The following DMXL1 variants were observed in gnomAD, a reference collection of about 807,000 sequenced individuals.
DMXL1 encodes Dmx like 1.
A neutral mutation model predicts 319.2 loss-of-function variants in DMXL1; 99 were observed. That is an observed-to-expected ratio of 0.31 (90% CI 0.26 to 0.37). DMXL1 has a LOEUF of 0.37. Among genes scored for constraint, DMXL1 ranks in the 10% least tolerant of loss-of-function variants. DMXL1 has a pLI of 1.00. For synonymous variants in DMXL1, 1,385 were observed against 1,235.2 expected (o/e 1.12, Z -2.54); for missense variants, 3,745 against 3,595.6 (o/e 1.04, Z -1.06).
chr5:119,178,151 G>A lies in DMXL1; in HGVS notation c.7042G>A (p.Ala2348Thr), dbSNP rs141842638. Reference protein sequence around the residue: ...HSSNELFRIVAHPLNEKMWSA... With the variant: ...HSSNELFRIVTHPLNEKMWSA... ...AAGTAATGAGCTATTTCGGATTGTGGCCCATCCTCTAAATGAGAAAATGTG... is the reference window on the plus strand; with the variant it reads ...AAGTAATGAGCTATTTCGGATTGTGACCCATCCTCTAAATGAGAAAATGTG... The change falls in exon 28 of 44, where the codon GCC becomes ACC. Residue 2348 changes from alanine to threonine, a missense_variant. Coordinates refer to ENST00000539542, the MANE Select transcript of DMXL1 (RefSeq NM_001290321.3). 1.2e-6 allele frequency: 2 copies of A among 1,613,808 alleles called. No individual in the cohort carries two copies. Among genetic ancestry groups the A allele is most frequent in the Admixed American group, 1.7e-5 (1 of 59,988 alleles).
At chr5:119,087,169 A>G (rs1753565847) in intron 1 of DMXL1, among the ~76,000 whole-genome samples, 2 of 150,090 alleles carry the variant, frequency 1.3e-5, no homozygotes, top group Admixed American at 6.6e-5. Flanking sequence ...TATTTCATTT[A>G]TTTATGCTCT....
chr5:119,170,916 G>A lies in DMXL1; in HGVS notation c.6125G>A (p.Arg2042His), dbSNP rs1339119066. Residue 2042 changes from arginine (R) to histidine (H), a missense_variant, in exon 24 of 44, where the codon CGT becomes CAT. Coordinates refer to ENST00000539542, the MANE Select transcript of DMXL1 (RefSeq NM_001290321.3). ...ACLKILTVEL[R>H]TLSTGYEIDG... The stretch of plus-strand genomic sequence containing the variant: ...TTAAAGATTCTCACAGTAGAACTTC[G>A]TACTTTATCTACTGGCTATGAAATA... The A allele has an allele frequency of 4.3e-6, 7 of 1,613,230 alleles. No individual in the cohort carries two copies. Among genetic ancestry groups the A allele is most frequent in the African/African-American group, 1.3e-5 (1 of 74,798 alleles).
chr5:119,105,775 T>C (rs1469037302), intron 4 of DMXL1, among the ~76,000 whole-genome samples: 1 of 151,894 alleles, frequency 6.6e-6, no homozygotes, highest in Non-Finnish European at 1.5e-5. Context: ...CGCATGCCTG[T>C]AATCCCAGCT....
At chr5:119,119,428 A>T (rs1761541958) in intron 8 of DMXL1, among the ~76,000 whole-genome samples, 1 of 152,212 alleles carries the variant, frequency 6.6e-6, no homozygotes. Context: ...TTGAAAGTAA[A>T]AGTCAATTTT....
chr5:119,219,409 A>G (rs1784260687), intron 35 of DMXL1, among the ~76,000 whole-genome samples: 2 of 152,032 alleles, frequency 1.3e-5, no homozygotes, highest in Non-Finnish European at 2.9e-5. Flanking sequence ...CCACCCAATA[A>G]TCTAGCTATA....
Position 119,149,428 on chromosome 5 carries a change from C to T in DMXL1, c.3601C>T (p.Arg1201Ter), listed in dbSNP as rs1437359484. ...VVPLSKFVLL[R>*]SVDLVSSVDG... The stretch of plus-strand genomic sequence containing the variant: ...GCCCCTTTCTAAATTTGTACTATTA[C>T]GAAGTGTGGACCTAGTTTCTTCTGT... The change falls in exon 18 of 44, where the codon CGA (arginine) becomes TGA (stop). Residue 1201 changes from arginine (R) to a stop codon, truncating the protein, a stop_gained. Transcript: ENST00000539542. LOFTEE classifies it high-confidence loss of function. 1 of 1,613,930 alleles carries T rather than the reference C, an allele frequency of 6.2e-7. No individual in the cohort carries two copies. The highest frequency in any genetic ancestry group is 8.5e-7 in the Non-Finnish European group (1 of 1,179,892).
intron 9 of DMXL1, chr5:119,128,203 G>A: frequency 2.4e-6 from 1 of 424,916 alleles, no homozygotes; most frequent in South Asian, 1.9e-5. Context: ...AATTCTGTGA[G>A]AAGAATCTGG....
intron 37 of DMXL1, among the ~76,000 whole-genome samples, chr5:119,221,508 C>T (rs1402778867): frequency 6.6e-6 from 1 of 152,042 alleles, no homozygotes; most frequent in South Asian, 2.1e-4. Flanking sequence ...ATGAAAATTA[C>T]ATGAAACTGG....
In DMXL1 at chr5:119,116,991, G is replaced by A. The variant is rs1313154858; in HGVS notation, c.743+655G>A. Among the ~76,000 whole-genome samples, 3 of 151,692 alleles carry A rather than the reference G, an allele frequency of 2.0e-5. No individual in the cohort carries two copies. The East Asian group carries it at 5.8e-4, about 29-fold the overall frequency. On this transcript the variant is annotated intron_variant, in intron 7 of 43. Transcript: ENST00000539542. ...TATAGAGACCTATTACTTAAATACAGGTATAAATTCCCTATTTTTGTTTGT... is the reference window on the plus strand; with the variant it reads ...TATAGAGACCTATTACTTAAATACAAGTATAAATTCCCTATTTTTGTTTGT...
At position 119,129,503 on chromosome 5, in the gene DMXL1, T is replaced by G. The variant is rs578222781; in HGVS notation, c.1315+80T>G. On this transcript the variant is annotated intron_variant, in intron 10 of 43. Transcript: ENST00000539542. ...TTCATATTAGGGTAAAACTAGCTAC[T>G]TGTAATAAACTTTAAAGTTGCAATG... The G allele has an allele frequency of 4.0e-6, 4 of 997,054 alleles. No homozygotes were observed. In the South Asian group the frequency reaches 6.7e-5, roughly 17 times the overall value. 61.8% of individuals were successfully genotyped at this position (997,054 alleles called of 1,614,324 possible).
rs372111554 is a variant in DMXL1, at chr5:119,130,491, C to T, written c.1315+1068C>T. ...CCGAGTAGCTAGGATTACAGGCATC[C>T]GCCACCACACCTGGCTAATTTTTTT... is the stretch of plus-strand genomic sequence containing the variant. On this transcript the variant is annotated intron_variant, in intron 10 of 43. Transcript: ENST00000539542. Among the ~76,000 whole-genome samples, 28 of 152,178 alleles carry T rather than the reference C, an allele frequency of 1.8e-4. 1 individual carries two copies. In the East Asian group the frequency reaches 3.9e-3, roughly 21 times the overall value.
intron 34 of DMXL1, among the ~76,000 whole-genome samples, chr5:119,210,105 C>T (rs905320391): frequency 3.3e-5 from 5 of 152,054 alleles, no homozygotes; most frequent in Admixed American, 6.6e-5. Context: ...CTAACACACC[C>T]GGCTAATTTT....
In DMXL1 at chr5:119,122,092, C is replaced by T. The variant is rs1207118893; in HGVS notation, c.1102+953C>T. On this transcript the variant is annotated intron_variant, in intron 9 of 43. Coordinates refer to ENST00000539542, the MANE Select transcript of DMXL1 (RefSeq NM_001290321.3). ...GGCGGCTGGCCGGGCGGGGGGCTGA[C>T]CCCCCCACCTCCCTCCCGGACGGGG... Among the ~76,000 whole-genome samples the T allele has an allele frequency of 1.4e-5, 2 of 140,702 alleles. 1 individual carries two copies. The highest frequency in any genetic ancestry group is 5.3e-5 in the African/African-American group (2 of 37,776). 92.3% of individuals were successfully genotyped at this position (140,702 alleles called of 152,430 possible).
At chr5:119,198,045 G>A (rs1161023790) in intron 32 of DMXL1, 89 bp downstream of exon 32, 26 of 1,273,668 alleles carry the variant, frequency 2.0e-5, no homozygotes, top group Non-Finnish European at 2.8e-5. Context: ...CTGGAGTGCA[G>A]TGGCACAATC....
At chr5:119,127,831 T>C (rs979837107) in intron 9 of DMXL1, 3 of 280,668 alleles carry the variant, frequency 1.1e-5, no homozygotes, top group African/African-American at 4.6e-5. Flanking sequence ...TCTTTCATTA[T>C]CTGTTTTTAA....
Position 119,101,974 on chromosome 5 carries a change from C to G in DMXL1, c.253C>G (p.Pro85Ala). The change falls in exon 3 of 44, where the codon CCA becomes GCA. Residue 85 changes from proline (P) to alanine (A), a missense_variant. Transcript: ENST00000539542. ...TGGAAATGTTATCTCCATTTTTGAACCAGTTAACCTACCAAAACAAAAGAA... is the reference window on the plus strand; with the variant it reads ...TGGAAATGTTATCTCCATTTTTGAAGCAGTTAACCTACCAAAACAAAAGAA... ...SYGNVISIFE[P>A]VNLPKQKKNL... 3 of 1,604,504 alleles carry G rather than the reference C, an allele frequency of 1.9e-6. No homozygotes were observed. Among genetic ancestry groups the G allele is most frequent in the Non-Finnish European group, 2.6e-6 (3 of 1,175,736 alleles).
In DMXL1 at chr5:119,147,286, G is replaced by A; in HGVS notation, c.2727G>A (p.Trp909Ter). The A allele has an allele frequency of 6.2e-7, 1 of 1,613,300 alleles. No homozygotes were observed. The highest frequency in any genetic ancestry group is 1.3e-5 in the African/African-American group (1 of 74,958). Reference sequence around the variant, plus strand: ...ATACAAAATTATCCGAAGCGGTTTGGCAGCCAGAAGAACATTATTCTTCTT... The same window carrying A: ...ATACAAAATTATCCGAAGCGGTTTGACAGCCAGAAGAACATTATTCTTCTT... ...KVDTKLSEAV[W>*]QPEEHYSSSP... The change falls in exon 17 of 44, where the codon TGG becomes TGA. Residue 909 changes from tryptophan (W) to a stop codon, truncating the protein, a stop_gained. Coordinates refer to ENST00000539542, the MANE Select transcript of DMXL1 (RefSeq NM_001290321.3). LOFTEE classifies it high-confidence loss of function.
chr5:119,141,145 A>G (rs538729768), intron 13 of DMXL1, among the ~76,000 whole-genome samples: 2 of 152,322 alleles, frequency 1.3e-5, no homozygotes, highest in African/African-American at 4.8e-5. Flanking sequence ...CTCAGCCAAC[A>G]TCATACTGAA....
At chr5:119,076,730 T>G (rs1477134847) in intron 1 of DMXL1, among the ~76,000 whole-genome samples, 1 of 152,232 alleles carries the variant, frequency 6.6e-6, no homozygotes, top group African/African-American at 2.4e-5. Flanking sequence ...GGTGTTTACC[T>G]GGTTTTGTTG....
Sources: allele counts gnomAD v4.1 joint callset (sites outside exome capture counted in the v4.1 genomes callset), GRCh38; gene constraint gnomAD v4.1.1; transcripts MANE v1.5; gene names NCBI Gene and HGNC (gene_info 2026-07-23, HGNC 2026-07-21).